NCK1: variants seen among roughly 807,000 people sequenced by gnomAD.
The protein encoded by NCK1 is NCK adaptor protein 1.
In NCK1, 19 loss-of-function variants were observed where a neutral mutation model predicts 36.6. That is an observed-to-expected ratio of 0.52 (90% CI 0.36 to 0.76). The LOEUF is 0.76. Ranked by LOEUF, NCK1 falls within the 30% of genes least tolerant of loss-of-function variation. NCK1 has a pLI of 0.00. For synonymous variants in NCK1, 165 were observed against 156.0 expected (o/e 1.06, Z -0.43); for missense variants, 358 against 445.6 (o/e 0.80, Z 1.77).
intron 2 of NCK1, chr3:136,930,325 A>C: frequency 2.1e-6 from 1 of 468,106 alleles, no homozygotes; most frequent in Non-Finnish European, 3.3e-6. Flanking sequence ...TCTGAATAAT[A>C]AGGTCATATT....
At chr3:136,923,534 G>A (rs1479136821) in intron 1 of NCK1, among the ~76,000 whole-genome samples, 1 of 149,862 alleles carries the variant, frequency 6.7e-6, no homozygotes, top group African/African-American at 2.5e-5. Context: ...CAGCCTGGGT[G>A]ACAGTGCAGT....
intron 1 of NCK1, among the ~76,000 whole-genome samples, chr3:136,913,718 G>T (rs1159820028): frequency 6.6e-6 from 1 of 152,162 alleles, no homozygotes; most frequent in African/African-American, 2.4e-5. Flanking sequence ...GCCCAGGCTG[G>T]AGTGCAGTGG....
Position 136,948,248 on chromosome 3 carries a change from TTC to T in NCK1, c.940-7_940-6del. ...AATGTTTACTATATGTATCTTTTTT[TTC>T]TCTTTTAGCCAAATGATTTCTCAGT... On this transcript the variant is annotated splice_polypyrimidine_tract_variant and intron_variant, in intron 3 of 3. Transcript: ENST00000481752. The T allele has an allele frequency of 6.4e-7, 1 of 1,569,554 alleles. No homozygotes were observed. The highest frequency in any genetic ancestry group is 8.6e-7 in the Non-Finnish European group (1 of 1,162,730).
intron 1 of NCK1, among the ~76,000 whole-genome samples, chr3:136,924,776 G>A (rs982128978): frequency 2.0e-5 from 3 of 152,140 alleles, no homozygotes; most frequent in Admixed American, 2.0e-4. Flanking sequence ...TGTGCCTAGT[G>A]TTCCATTATT....
intron 1 of NCK1, among the ~76,000 whole-genome samples, chr3:136,879,868 G>T (rs995627537): frequency 5.9e-5 from 9 of 151,944 alleles, no homozygotes; most frequent in African/African-American, 2.2e-4. Flanking sequence ...GGGAGGGATA[G>T]CATTAGGAGA....
intron 1 of NCK1, among the ~76,000 whole-genome samples, chr3:136,906,319 A>T (rs1412677377): frequency 1.3e-5 from 2 of 151,838 alleles, no homozygotes; most frequent in Non-Finnish European, 1.5e-5. Context: ...TCTGTTGCCC[A>T]GGCTGGTCTC....
intron 1 of NCK1, among the ~76,000 whole-genome samples, chr3:136,872,399 C>G (rs1448365828): frequency 6.6e-6 from 1 of 152,188 alleles, no homozygotes; most frequent in African/African-American, 2.4e-5. Context: ...GAAAAAATTT[C>G]TAAGCAGCAA....
rs545851602 is a variant in NCK1 at position 136,944,646 on chromosome 3, A to C, written c.227-937A>C. Reference sequence around the variant, plus strand: ...GAGTCCCAAGAGAGTCAGGAAAGATAGTATTAAGATCCTAGAAGGATCAGG... The same window carrying C: ...GAGTCCCAAGAGAGTCAGGAAAGATCGTATTAAGATCCTAGAAGGATCAGG... On this transcript the variant is annotated intron_variant, in intron 2 of 3. Transcript: ENST00000481752. Among the ~76,000 whole-genome samples the C allele has an allele frequency of 2.6e-5, 4 of 152,334 alleles. No homozygotes were observed. The East Asian group carries it at 7.7e-4, about 29-fold the overall frequency.
At chr3:136,936,561 G>A (rs1368726736) in intron 2 of NCK1, among the ~76,000 whole-genome samples, 1 of 152,162 alleles carries the variant, frequency 6.6e-6, no homozygotes, top group Admixed American at 6.5e-5. Context: ...GAAACCATCT[G>A]TTTTTCACAT....
chr3:136,906,601 G>C (rs1171382128), intron 1 of NCK1, among the ~76,000 whole-genome samples: 1 of 152,170 alleles, frequency 6.6e-6, no homozygotes, highest in African/African-American at 2.4e-5. Flanking sequence ...AGTGGCACAG[G>C]TGAGCCAGGC....
intron 1 of NCK1, among the ~76,000 whole-genome samples, chr3:136,925,430 C>G (rs113617983): frequency 3.3e-5 from 5 of 152,242 alleles, no homozygotes; most frequent in African/African-American, 9.6e-5. Context: ...CCTCCAGTGG[C>G]AATACATCTG....
chr3:136,874,093 T>C (rs1194124596), intron 1 of NCK1, among the ~76,000 whole-genome samples: 2 of 152,240 alleles, frequency 1.3e-5, no homozygotes, highest in African/African-American at 4.8e-5. Flanking sequence ...TATAATGTAA[T>C]TTTAAAAAAT....
intron 1 of NCK1, among the ~76,000 whole-genome samples, chr3:136,865,461 T>G (rs1157194892): frequency 6.6e-6 from 1 of 152,222 alleles, no homozygotes; most frequent in East Asian, 1.9e-4. Flanking sequence ...TATTTTACTT[T>G]TTCACCATGT....
intron 1 of NCK1, among the ~76,000 whole-genome samples, chr3:136,897,445 G>A (rs1939419583): frequency 6.6e-6 from 1 of 152,192 alleles, no homozygotes; most frequent in Admixed American, 6.5e-5. Context: ...GATATTTCAT[G>A]TGGTTTTTAT....
chr3:136,890,592 A>G (rs1002527966), intron 1 of NCK1, among the ~76,000 whole-genome samples: 2 of 152,228 alleles, frequency 1.3e-5, no homozygotes, highest in Non-Finnish European at 2.9e-5. Context: ...ATTGCTGAAT[A>G]ATATGTAATT....
At chr3:136,898,447 T>G (rs1939448939) in intron 1 of NCK1, among the ~76,000 whole-genome samples, 1 of 151,632 alleles carries the variant, frequency 6.6e-6, no homozygotes, top group Non-Finnish European at 1.5e-5. Context: ...TCAAAACATT[T>G]CCACTTTTAT....
At chr3:136,922,600 C>CTG (rs1161956940) in intron 1 of NCK1, among the ~76,000 whole-genome samples, 3 of 152,172 alleles carry the variant, frequency 2.0e-5, no homozygotes, top group Non-Finnish European at 4.4e-5. Flanking sequence ...AAAGAAATCA[C>CTG]TGTAATAAGA....
At chr3:136,906,702 CTG>C (rs1232900792) in intron 1 of NCK1, among the ~76,000 whole-genome samples, 1 of 152,168 alleles carries the variant, frequency 6.6e-6, no homozygotes, top group African/African-American at 2.4e-5. Context: ...CCCAAGCTGT[CTG>C]TGCTGGTGTA....
chr3:136,892,840 G>T (rs1344270318), intron 1 of NCK1, among the ~76,000 whole-genome samples: 3 of 151,944 alleles, frequency 2.0e-5, no homozygotes, highest in Non-Finnish European at 4.4e-5. Flanking sequence ...GTAGGTTTTT[G>T]GGGAACCGAT....
Sources: gnomAD v4.1 joint callset for allele counts (sites outside exome capture counted in the v4.1 genomes callset) on GRCh38, gnomAD v4.1.1 for gene constraint, MANE v1.5 for transcripts, NCBI Gene and HGNC (gene_info 2026-07-23, HGNC 2026-07-21) for gene names.